Variants in NELL2 observed in about 807,000 individuals in gnomAD.
NELL2 encodes neural EGFL like 2.
NELL2 carries 41 observed loss-of-function variants against 109.6 expected under a neutral mutation model. That is an observed-to-expected ratio of 0.37 (90% CI 0.29 to 0.49). The LOEUF (loss-of-function observed/expected upper bound fraction) is 0.49. NELL2 is among the 20% of genes least tolerant of loss of function. The pLI is 0.98. For synonymous variants in NELL2, 355 were observed against 344.7 expected (o/e 1.03, Z -0.33); for missense variants, 900 against 1,008.3 (o/e 0.89, Z 1.45).
chr12:44,554,019 T>A (rs905957606), intron 15 of NELL2, among the ~76,000 whole-genome samples: 2 of 152,182 alleles, frequency 1.3e-5, no homozygotes, highest in Non-Finnish European at 2.9e-5. Flanking sequence ...CAGGACAGAC[T>A]TCAGATTGCA....
At position 44,876,313 on chromosome 12, in the gene NELL2, A is replaced by T; in HGVS notation, c.-444T>A. 8.6e-7 allele frequency: 1 copy of T among 1,167,370 alleles called. No individual in the cohort carries two copies. The highest frequency in any genetic ancestry group is 1.1e-6 in the Non-Finnish European group (1 of 943,020). 72.3% of individuals were successfully genotyped at this position (1,167,370 alleles called of 1,614,324 possible). ...CCGAACCTGTTGTAAAGGCAGAGAC[A>T]ATGGAGAAAGCTCCGGGAGACGCGC... On this transcript the variant is annotated 5_prime_UTR_variant, in exon 1 of 20. Transcript: ENST00000429094.
At chr12:44,889,868 CA>C (rs1566597050) in intron 1 of NELL2, among the ~76,000 whole-genome samples, 1 of 152,284 alleles carries the variant, frequency 6.6e-6, no homozygotes, top group Non-Finnish European at 1.5e-5. Flanking sequence ...TGCAATAATT[CA>C]AAATCTTTCC....
At chr12:44,673,159 G>A (rs1467420707) in intron 12 of NELL2, among the ~76,000 whole-genome samples, 2 of 152,096 alleles carry the variant, frequency 1.3e-5, no homozygotes, top group African/African-American at 2.4e-5. Flanking sequence ...TGTCTGCAGA[G>A]GAAGAACTCC....
At chr12:44,612,901 T>C (rs1945675133) in intron 13 of NELL2, among the ~76,000 whole-genome samples, 1 of 151,994 alleles carries the variant, frequency 6.6e-6, no homozygotes, top group African/African-American at 2.4e-5. Flanking sequence ...CATGATAATG[T>C]TCAATAAACG....
intron 13 of NELL2, among the ~76,000 whole-genome samples, chr12:44,640,777 T>C (rs182250953): frequency 4.3e-4 from 66 of 152,274 alleles, no homozygotes; most frequent in Non-Finnish European, 8.7e-4. Context: ...ATAAGAAGAA[T>C]GCTTTTCTGT....
chr12:44,745,945 T>G (rs1177846380), intron 9 of NELL2, among the ~76,000 whole-genome samples: 3 of 152,198 alleles, frequency 2.0e-5, no homozygotes, highest in Non-Finnish European at 2.9e-5. Flanking sequence ...TGGAAAAAAC[T>G]GCTTTAAAGT....
chr12:44,820,065 A>G (rs1024782930), intron 2 of NELL2, among the ~76,000 whole-genome samples: 3 of 152,118 alleles, frequency 2.0e-5, no homozygotes, highest in Admixed American at 2.0e-4. Context: ...AGTTTCCTGA[A>G]TGTGACACAG....
At chr12:44,832,659 C>T (rs1187245877) in intron 2 of NELL2, among the ~76,000 whole-genome samples, 2 of 152,204 alleles carry the variant, frequency 1.3e-5, no homozygotes, top group African/African-American at 4.8e-5. Context: ...CATTTCTTGG[C>T]ATTGCCACCT....
rs1566403596 is a variant in NELL2, at chr12:44,791,091, ATATATG to A, written c.336-11075_336-11070del. Reference sequence around the variant, plus strand: ...TATATATATATATATACATATATATATATATGTATATATATATGTATATATATATGT... The same window carrying A: ...TATATATATATATATACATATATATATATATATATATGTATATATATATGT... On this transcript the variant is annotated intron_variant, in intron 3 of 19. Coordinates refer to ENST00000429094, the MANE Select transcript of NELL2 (RefSeq NM_001145108.2). 3.4e-3 allele frequency among the ~76,000 whole-genome samples: 50 copies of A among 14,620 alleles called. 2 individuals carry two copies. The highest frequency in any genetic ancestry group is 0.016 in the Admixed American group (11 of 676). The allele number at this position is 14,620 out of a possible 152,430, so 9.6% of individuals were successfully genotyped here.
chr12:44,859,406 C>T (rs1273083542), intron 2 of NELL2, among the ~76,000 whole-genome samples: 4 of 152,030 alleles, frequency 2.6e-5, no homozygotes, highest in Admixed American at 2.0e-4. Context: ...CTGGGCATAA[C>T]GGCAGGTGCC....
At chr12:44,850,148 T>G (rs1370092575) in intron 2 of NELL2, among the ~76,000 whole-genome samples, 1 of 152,168 alleles carries the variant, frequency 6.6e-6, no homozygotes, top group East Asian at 1.9e-4. Flanking sequence ...TCAGTGAAAG[T>G]AGATATAAAC....
At chr12:44,899,804 G>A (rs1418349941) in intron 1 of NELL2, among the ~76,000 whole-genome samples, 1 of 152,094 alleles carries the variant, frequency 6.6e-6, no homozygotes, top group African/African-American at 2.4e-5. Context: ...CCAATTAAAA[G>A]ACACAGACTG....
chr12:44,676,620 G>T (rs1464984117), intron 12 of NELL2, among the ~76,000 whole-genome samples: 1 of 152,054 alleles, frequency 6.6e-6, no homozygotes, highest in Non-Finnish European at 1.5e-5. Context: ...ATTGTAAATT[G>T]TATGGTACAT....
At chr12:44,828,223 T>C (rs745484048) in intron 2 of NELL2, among the ~76,000 whole-genome samples, 19 of 152,164 alleles carry the variant, frequency 1.2e-4, no homozygotes, top group Non-Finnish European at 2.4e-4. Context: ...ATTATTCCCC[T>C]GTCAGATGGG....
chr12:44,682,584 T>C lies in NELL2; in HGVS notation c.1319-16975A>G, dbSNP rs575313570. Among the ~76,000 whole-genome samples, 60 of 152,348 alleles carry C rather than the reference T, an allele frequency of 3.9e-4. 1 individual carries two copies. Among genetic ancestry groups the C allele is most frequent in the Non-Finnish European group, 7.1e-4 (48 of 68,030 alleles). On this transcript the variant is annotated intron_variant, in intron 12 of 19. Transcript: ENST00000429094. ...ATTTAAGTCTTTAATCCATCTTGAA[T>C]TGATTTTTGTATAAGGTGTAAGGAA...
intron 9 of NELL2, among the ~76,000 whole-genome samples, chr12:44,745,089 G>A (rs570955733): frequency 7.9e-5 from 12 of 152,194 alleles, no homozygotes; most frequent in South Asian, 6.2e-4. Context: ...GCAGCACATC[G>A]AAAAGCTTAT....
chr12:44,611,058 G>A, intron 13 of NELL2, 88 bp from the exon 14 acceptor site: 1 of 1,351,582 alleles, frequency 7.4e-7, no homozygotes, highest in Non-Finnish European at 1.0e-6. Flanking sequence ...TTATTGCATG[G>A]TAAATTCTTT....
chr12:44,681,606 C>T lies in NELL2; in HGVS notation c.1319-15997G>A, dbSNP rs1330891213. Reference sequence around the variant, plus strand: ...CAACAGTCCCCAGACTGTGATGTTCCCCTCCCTGTGTCCATGTGTTCTCAC... The same window carrying T: ...CAACAGTCCCCAGACTGTGATGTTCTCCTCCCTGTGTCCATGTGTTCTCAC... On this transcript the variant is annotated intron_variant, in intron 12 of 19. Coordinates refer to ENST00000429094, the MANE Select transcript of NELL2 (RefSeq NM_001145108.2). Among the ~76,000 whole-genome samples, 5 of 152,012 alleles carry T rather than the reference C, an allele frequency of 3.3e-5. No homozygotes were observed. The South Asian group carries it at 8.3e-4, about 25-fold the overall frequency.
intron 13 of NELL2, among the ~76,000 whole-genome samples, chr12:44,653,802 G>A (rs1037110375): frequency 1.3e-5 from 2 of 152,118 alleles, no homozygotes; most frequent in Non-Finnish European, 1.5e-5. Flanking sequence ...AAAATAAAGC[G>A]TTAACACTTA....
Sources: allele counts gnomAD v4.1 joint callset (sites outside exome capture counted in the v4.1 genomes callset), GRCh38; gene constraint gnomAD v4.1.1; transcripts MANE v1.5; gene names NCBI Gene and HGNC (gene_info 2026-07-23, HGNC 2026-07-21).